Variants in CARMIL1 observed in about 807,000 individuals in gnomAD.
The protein encoded by CARMIL1 is capping protein regulator and myosin 1 linker 1, also known as F-actin-uncapping protein LRRC16A.
A neutral mutation model predicts 177.1 loss-of-function variants in CARMIL1; 90 were observed. That is an observed-to-expected ratio of 0.51 (90% CI 0.43 to 0.61). CARMIL1 has a LOEUF of 0.61. Among genes scored for constraint, CARMIL1 ranks in the 20% least tolerant of loss-of-function variants. The pLI is 0.00. For synonymous variants in CARMIL1, 577 were observed against 606.2 expected (o/e 0.95, Z 0.71); for missense variants, 1,380 against 1,667.0 (o/e 0.83, Z 3.00).
intron 26 of CARMIL1, among the ~76,000 whole-genome samples, chr6:25,545,100 T>TG (rs1463841464): frequency 6.6e-6 from 1 of 152,210 alleles, no homozygotes; most frequent in Non-Finnish European, 1.5e-5. Flanking sequence ...TGGACTGTGT[T>TG]GCTTTACACA....
At position 25,279,911 on chromosome 6, in the gene CARMIL1, T is replaced by G. The variant is rs544149691; in HGVS notation, c.40+76T>G. The G allele has an allele frequency of 7.8e-6, 12 of 1,533,010 alleles. No individual in the cohort carries two copies. In the African/African-American group the frequency reaches 1.5e-4, roughly 19 times the overall value. 95.0% of individuals were successfully genotyped at this position (1,533,010 alleles called of 1,614,324 possible). On this transcript the variant is annotated intron_variant, in intron 1 of 36. Coordinates refer to ENST00000329474, the MANE Select transcript of CARMIL1 (RefSeq NM_017640.6). ...CCTCTCTCTCCCTTCCCACCTCTGC[T>G]TTCCCGCAGGTCTCGAGAAGTCTTG... is the stretch of plus-strand genomic sequence containing the variant.
intron 29 of CARMIL1, among the ~76,000 whole-genome samples, chr6:25,575,912 C>A (rs1344509994): frequency 2.0e-5 from 3 of 152,024 alleles, no homozygotes; most frequent in African/African-American, 4.8e-5. Flanking sequence ...GTATTTCCAT[C>A]CCATTTTATA....
rs1260860195 is a variant in CARMIL1 at position 25,556,825 on chromosome 6, G to A, written c.2717G>A (p.Arg906His). ...GTGGAGGAGCTAACAGAGATAGAGC[G>A]TTTGGAAGATCTGGATACCTGTATG... is the stretch of plus-strand genomic sequence containing the variant. ...ITVEELTEIE[R>H]LEDLDTCMMT... Residue 906 changes from arginine (R) to histidine (H), a missense_variant, in exon 29 of 37, where the codon CGT becomes CAT. By Grantham distance (29) the Arg-to-His change is conservative. Coordinates refer to ENST00000329474, the MANE Select transcript of CARMIL1 (RefSeq NM_017640.6). 7 of 1,613,180 alleles carry A rather than the reference G, an allele frequency of 4.3e-6. No homozygotes were observed. Among genetic ancestry groups the A allele is most frequent in the Admixed American group, 1.7e-5 (1 of 59,930 alleles).
chr6:25,344,700 C>T (rs1035047054), intron 2 of CARMIL1, among the ~76,000 whole-genome samples: 6 of 152,064 alleles, frequency 3.9e-5, no homozygotes, highest in Non-Finnish European at 8.8e-5. Flanking sequence ...TCCTTTTTCA[C>T]CAGAAACCCC....
At chr6:25,387,626 C>T (rs1792310723) in intron 2 of CARMIL1, among the ~76,000 whole-genome samples, 1 of 152,162 alleles carries the variant, frequency 6.6e-6, no homozygotes, top group Non-Finnish European at 1.5e-5. Context: ...TACTTGGGGG[C>T]ATTTCTTCAA....
chr6:25,599,893 A>G (rs1815222971), intron 32 of CARMIL1, among the ~76,000 whole-genome samples: 1 of 152,106 alleles, frequency 6.6e-6, no homozygotes, highest in African/African-American at 2.4e-5. Flanking sequence ...TTATGGATTA[A>G]CTGTGTACCA....
At chr6:25,528,146 TAATC>T (rs994977697) in intron 23 of CARMIL1, among the ~76,000 whole-genome samples, 2 of 152,206 alleles carry the variant, frequency 1.3e-5, no homozygotes, top group African/African-American at 2.4e-5. Context: ...TCATAGTAGA[TAATC>T]TATGTATAAA....
At chr6:25,441,337 A>ATATATATATT in intron 5 of CARMIL1, among the ~76,000 whole-genome samples, 1 of 94,534 alleles carries the variant, frequency 1.1e-5, no homozygotes. Flanking sequence ...ATATATATAT[A>ATATATATATT]TGTGTGTGTG....
chr6:25,365,011 TTC>T (rs1331408413), intron 2 of CARMIL1, among the ~76,000 whole-genome samples: 2 of 152,236 alleles, frequency 1.3e-5, no homozygotes, highest in Non-Finnish European at 2.9e-5. Context: ...AGTGTTCATA[TTC>T]TGTTTCTACC....
At chr6:25,324,099 A>G (rs1784888776) in intron 2 of CARMIL1, among the ~76,000 whole-genome samples, 1 of 152,222 alleles carries the variant, frequency 6.6e-6, no homozygotes, top group African/African-American at 2.4e-5. Flanking sequence ...GTAATCATGA[A>G]TTGTGGGAGT....
At chr6:25,476,561 A>G (rs984551309) in intron 11 of CARMIL1, among the ~76,000 whole-genome samples, 6 of 152,194 alleles carry the variant, frequency 3.9e-5, no homozygotes, top group African/African-American at 1.4e-4. Flanking sequence ...ATACCTGAAG[A>G]TGATTGGTAG....
At chr6:25,411,764 G>A (rs1020073286) in intron 2 of CARMIL1, among the ~76,000 whole-genome samples, 1 of 152,144 alleles carries the variant, frequency 6.6e-6, no homozygotes. Flanking sequence ...CTAAACATCC[G>A]AATAGAAAAC....
rs1252450702 is a variant in CARMIL1, at chr6:25,509,267, C to T, written c.1396-389C>T. 5.3e-5 allele frequency among the ~76,000 whole-genome samples: 8 copies of T among 152,036 alleles called. No homozygotes were observed. Among genetic ancestry groups the T allele is most frequent in the Admixed American group, 3.3e-4 (5 of 15,250 alleles). ...GGGTGGAGAGTTTACACCTTGGAATCGGTAACAGTCAAATAAAACAGTAAC... is the reference window on the plus strand; with the variant it reads ...GGGTGGAGAGTTTACACCTTGGAATTGGTAACAGTCAAATAAAACAGTAAC... On this transcript the variant is annotated intron_variant, in intron 17 of 36. Transcript: ENST00000329474. The surrounding 1 kb of genome is among the most constrained non-coding windows in gnomAD (Gnocchi z 4.1).
In CARMIL1 at chr6:25,600,536, C is replaced by T. The variant is rs375613732; in HGVS notation, c.3342C>T (p.Ala1114=). ...GTCCCAGGAAGGACACAAAGGCCGC[C>T]GAGCACAATGGCAATTCTGAACGGA... ...VDCPRKDTKA[A]EHNGNSERIE... The change falls in exon 33 of 37, where the codon GCC becomes GCT. Residue 1114 remains alanine, a synonymous_variant. Coordinates refer to ENST00000329474, the MANE Select transcript of CARMIL1 (RefSeq NM_017640.6). 20 of 1,613,982 alleles carry T rather than the reference C, an allele frequency of 1.2e-5. No individual in the cohort carries two copies. Among genetic ancestry groups the T allele is most frequent in the East Asian group, 8.9e-5 (4 of 44,882 alleles).
intron 2 of CARMIL1, among the ~76,000 whole-genome samples, chr6:25,329,875 G>C (rs1177344202): frequency 6.6e-6 from 1 of 152,222 alleles, no homozygotes; most frequent in Non-Finnish European, 1.5e-5. Flanking sequence ...AGTTATTTGC[G>C]AAGTTTTAGT....
At chr6:25,355,804 T>C (rs1788537259) in intron 2 of CARMIL1, among the ~76,000 whole-genome samples, 1 of 152,234 alleles carries the variant, frequency 6.6e-6, no homozygotes, top group Non-Finnish European at 1.5e-5. Context: ...ACATGAAATT[T>C]GTCATCTTAA....
chr6:25,395,551 T>C (rs1176628221), intron 2 of CARMIL1, among the ~76,000 whole-genome samples: 2 of 152,256 alleles, frequency 1.3e-5, no homozygotes, highest in Non-Finnish European at 2.9e-5. Flanking sequence ...ATAGAGATAA[T>C]GACCGTTTTG....
At chr6:25,290,894 C>T (rs374209577) in intron 2 of CARMIL1, among the ~76,000 whole-genome samples, 1 of 152,176 alleles carries the variant, frequency 6.6e-6, no homozygotes, top group Non-Finnish European at 1.5e-5. Context: ...CTTGCAATCA[C>T]TTGAACTGAG....
rs886991178 is a variant in CARMIL1 at position 25,520,258 on chromosome 6, G to A, written c.1889G>A (p.Arg630Lys). The A allele has an allele frequency of 4.5e-6, 7 of 1,538,562 alleles. No homozygotes were observed. In the African/African-American group the frequency reaches 9.6e-5, roughly 21 times the overall value. ...CCTTTTTCTAGGAACTACACATTAAGATTTATGCCAATTCCTATGTATGAT... is the reference window on the plus strand; with the variant it reads ...CCTTTTTCTAGGAACTACACATTAAAATTTATGCCAATTCCTATGTATGAT... The part of the protein sequence containing the change: ...AVAMEKNYTL[R>K]FMPIPMYDAS... Residue 630 changes from arginine (R) to lysine (K), a missense_variant, in exon 23 of 37, where the codon AGA becomes AAA. Arg to Lys is a conservative substitution (Grantham distance 26, BLOSUM62 2). Transcript: ENST00000329474.
Sources: allele counts gnomAD v4.1 joint callset (sites outside exome capture counted in the v4.1 genomes callset), GRCh38; gene constraint gnomAD v4.1.1; non-coding constraint Gnocchi (gnomAD v3.1); transcripts MANE v1.5; gene names NCBI Gene and HGNC (gene_info 2026-07-23, HGNC 2026-07-21).